Variants in TFDP2 observed in about 807,000 individuals in gnomAD.
The protein encoded by TFDP2 is transcription factor Dp-2.
TFDP2 carries 17 observed loss-of-function variants against 59.3 expected under a neutral mutation model. That is an observed-to-expected ratio of 0.29 (90% CI 0.20 to 0.43). The LOEUF is 0.43. Among genes scored for constraint, TFDP2 ranks in the 20% least tolerant of loss-of-function variants. The probability of loss-of-function intolerance (pLI) is 1.00; values close to 1 mark genes in which losing one functional copy is unlikely to be tolerated. For synonymous variants in TFDP2, 180 were observed against 194.7 expected (o/e 0.92, Z 0.63); for missense variants, 391 against 528.8 (o/e 0.74, Z 2.56).
At position 142,149,428 on chromosome 3, in the gene TFDP2, G is replaced by A. The variant is rs993591922; in HGVS notation, c.-338C>T. 8 of 382,726 alleles carry A rather than the reference G, an allele frequency of 2.1e-5. No individual in the cohort carries two copies. The East Asian group carries it at 2.6e-4, about 12-fold the overall frequency. 23.7% of individuals were successfully genotyped at this position (382,726 alleles called of 1,614,324 possible). On this transcript the variant is annotated 5_prime_UTR_variant, in exon 1 of 13. Coordinates refer to ENST00000489671, the MANE Select transcript of TFDP2 (RefSeq NM_001178139.2). ...AGGGTCAGGGCGCGCCCCGCGGGCC[G>A]GGCAGCTGCGGCAGCGCCGCAGCCG...
intron 10 of TFDP2, among the ~76,000 whole-genome samples, chr3:141,963,370 A>G (rs1452490442): frequency 1.3e-5 from 2 of 152,348 alleles, no homozygotes; most frequent in East Asian, 1.9e-4. Flanking sequence ...AGAAGCATGC[A>G]TAACTATGAT....
intron 4 of TFDP2, among the ~76,000 whole-genome samples, chr3:141,997,890 G>C (rs1339070605): frequency 1.4e-5 from 2 of 147,402 alleles, no homozygotes; most frequent in African/African-American, 5.0e-5. Context: ...AGGAAAAAAA[G>C]AGAGAAGGAA....
chr3:142,064,210 C>T (rs2060004458), intron 3 of TFDP2, among the ~76,000 whole-genome samples: 1 of 152,164 alleles, frequency 6.6e-6, no homozygotes. Context: ...CCTCGGCCTC[C>T]CAAATGCTGA....
intron 2 of TFDP2, among the ~76,000 whole-genome samples, chr3:142,099,699 C>CA (rs766026708): frequency 0.011 from 1,420 of 124,534 alleles, 11 homozygotes; most frequent in African/African-American, 0.026. Context: ...GACTCCATTT[C>CA]AAAAAAAAAA....
intron 3 of TFDP2, among the ~76,000 whole-genome samples, chr3:142,027,480 T>TCCTCTC (rs367550746): frequency 0.074 from 11,187 of 151,556 alleles, 477 homozygotes; most frequent in Non-Finnish European, 0.11. Context: ...CTGCCTGACC[T>TCCTCTC]CCTCTCCCTC....
At chr3:141,978,791 G>A (rs11569224) in intron 6 of TFDP2, 109 bp from the exon 7 acceptor site, 1 of 832,948 alleles carries the variant, frequency 1.2e-6, no homozygotes, top group South Asian at 2.9e-5. Context: ...TACTTCAAGT[G>A]TCAAAAATTT....
intron 3 of TFDP2, among the ~76,000 whole-genome samples, chr3:142,074,156 C>A (rs1252422727): frequency 2.6e-5 from 4 of 152,152 alleles, no homozygotes; most frequent in Non-Finnish European, 4.4e-5. Flanking sequence ...GCCTGTAATC[C>A]CAGCACTTTG....
At chr3:141,968,507 A>G (rs1347400997) in intron 9 of TFDP2, among the ~76,000 whole-genome samples, 1 of 98,476 alleles carries the variant, frequency 1.0e-5, no homozygotes, top group Non-Finnish European at 1.9e-5. Context: ...GATATATATA[A>G]CATATATATC....
intron 1 of TFDP2, among the ~76,000 whole-genome samples, chr3:142,147,686 G>A (rs1377204863): frequency 1.3e-5 from 2 of 150,588 alleles, no homozygotes; most frequent in East Asian, 3.9e-4. Flanking sequence ...TGCTCAAACT[G>A]CAACTGCACA....
At chr3:142,036,527 G>GT (rs1946703748) in intron 3 of TFDP2, among the ~76,000 whole-genome samples, 1 of 152,114 alleles carries the variant, frequency 6.6e-6, no homozygotes. Flanking sequence ...TCCACAGCCG[G>GT]TTTTTGGCTC....
At chr3:142,047,391 AT>A in intron 3 of TFDP2, among the ~76,000 whole-genome samples, 1 of 152,300 alleles carries the variant, frequency 6.6e-6, no homozygotes. Context: ...ACTATAATCC[AT>A]ACCTTATAGG....
chr3:142,019,361 G>A (rs556762745), intron 3 of TFDP2, among the ~76,000 whole-genome samples: 50 of 152,252 alleles, frequency 3.3e-4, no homozygotes, highest in Non-Finnish European at 6.5e-4. Context: ...ACTGCGCCCG[G>A]CCTATTTGCA....
chr3:141,978,511 T>C lies in TFDP2; in HGVS notation c.519+9A>G, dbSNP rs11569225. ...ATCAAAATCAATGTCAGGTTCATGA[T>C]TTACATACCGAATCAGCAGCCAAAT... On this transcript the variant is annotated intron_variant, in intron 7 of 12. Coordinates refer to ENST00000489671, the MANE Select transcript of TFDP2 (RefSeq NM_001178139.2). 0.013 allele frequency: 21,159 copies of C among 1,603,788 alleles called. 190 individuals are homozygous for C. Among genetic ancestry groups the C allele is most frequent in the Non-Finnish European group, 0.016 (19,159 of 1,177,074 alleles).
intron 3 of TFDP2, among the ~76,000 whole-genome samples, chr3:142,090,008 C>T (rs1362609396): frequency 1.3e-5 from 2 of 152,150 alleles, no homozygotes; most frequent in African/African-American, 4.8e-5. Context: ...CTACATCTCA[C>T]TTCCAATACA....
At chr3:142,034,796 A>G (rs1341548140) in intron 3 of TFDP2, among the ~76,000 whole-genome samples, 8 of 151,054 alleles carry the variant, frequency 5.3e-5, no homozygotes, top group Non-Finnish European at 1.5e-5. Flanking sequence ...GCTCACTGAA[A>G]GCTCTGCCTC....
intron 9 of TFDP2, among the ~76,000 whole-genome samples, chr3:141,968,402 T>A (rs1375700244): frequency 0.074 from 8,139 of 110,092 alleles, 891 homozygotes; most frequent in East Asian, 0.11. Flanking sequence ...AACATATATA[T>A]CATATATATA....
chr3:141,979,888 C>T (rs982664761), intron 6 of TFDP2, among the ~76,000 whole-genome samples: 5 of 151,422 alleles, frequency 3.3e-5, no homozygotes, highest in African/African-American at 1.2e-4. Flanking sequence ...TGCGCCTGGC[C>T]CTCTGTCTCA....
chr3:142,013,280 A>T (rs1944866787), intron 3 of TFDP2, among the ~76,000 whole-genome samples: 1 of 152,232 alleles, frequency 6.6e-6, no homozygotes, highest in South Asian at 2.1e-4. Flanking sequence ...CTTTAAAAGT[A>T]GTTAAAAGGA....
rs10707832 is a variant in TFDP2 at position 142,047,736 on chromosome 3, CTT to C, written c.83-42194_83-42193del. Among the ~76,000 whole-genome samples the C allele has an allele frequency of 5.6e-3, 635 of 112,422 alleles. 2 individuals are homozygous for C. Among genetic ancestry groups the C allele is most frequent in the Non-Finnish European group, 8.5e-3 (453 of 53,418 alleles). The allele number at this position is 112,422 out of a possible 152,430, so 73.8% of individuals were successfully genotyped here. Reference sequence around the variant, plus strand: ...ACTTGCAAATTAGTGAACTAATATGCTTTTTTTTTTTTTTTTTTGAGATGGAG... The same window carrying C: ...ACTTGCAAATTAGTGAACTAATATGCTTTTTTTTTTTTTTTTGAGATGGAG... On this transcript the variant is annotated intron_variant, in intron 3 of 12. Transcript: ENST00000489671.
Sources: allele counts gnomAD v4.1 joint callset (sites outside exome capture counted in the v4.1 genomes callset), GRCh38; gene constraint gnomAD v4.1.1; transcripts MANE v1.5; gene names NCBI Gene and HGNC (gene_info 2026-07-23, HGNC 2026-07-21).